GREB1L: variants seen among roughly 807,000 people sequenced by gnomAD.
The protein encoded by GREB1L is GREB1 like retinoic acid receptor coactivator, also known as GREB1-like protein.
GREB1L carries 17 observed loss-of-function variants against 200.8 expected under a neutral mutation model. The observed-to-expected ratio is 0.08, with a 90% confidence interval of 0.06 to 0.13. The LOEUF (loss-of-function observed/expected upper bound fraction) is 0.13, where lower values mean the gene tolerates loss of function less well. Among genes scored for constraint, GREB1L ranks in the 10% least tolerant of loss-of-function variants. The pLI, the probability that GREB1L is intolerant of heterozygous loss-of-function variation, is 1.00. For synonymous variants in GREB1L, 789 were observed against 893.0 expected, an observed-to-expected ratio of 0.88 and a Z score of 2.08; for missense variants, 1,657 against 2,367.7, an observed-to-expected ratio of 0.70 and a Z score of 6.23.
chr18:21,369,128 T>C (rs2039779490), intron 2 of GREB1L, among the ~76,000 whole-genome samples: 1 of 152,214 alleles, frequency 6.6e-6, no homozygotes, highest in African/African-American at 2.4e-5. Context: ...ATTTGGGAAA[T>C]TGGCGAATTG....
chr18:21,408,292 CAG>C (rs1340084776), intron 7 of GREB1L, among the ~76,000 whole-genome samples: 3 of 152,088 alleles, frequency 2.0e-5, no homozygotes, highest in Non-Finnish European at 4.4e-5. Context: ...AGGCAAACAA[CAG>C]AGTGGTAAAA....
chr18:21,511,339 G>C (rs1443281152), intron 27 of GREB1L, among the ~76,000 whole-genome samples: 1 of 151,960 alleles, frequency 6.6e-6, no homozygotes, highest in Admixed American at 6.6e-5. Context: ...ACTCCAGCCT[G>C]GGCAACAAGA....
intron 10 of GREB1L, among the ~76,000 whole-genome samples, chr18:21,443,723 GC>G (rs2145303963): frequency 6.6e-6 from 1 of 152,202 alleles, no homozygotes; most frequent in East Asian, 1.9e-4. Flanking sequence ...TTGATTCCAG[GC>G]CCCGTCCCAT....
chr18:21,459,140 A>G (rs189707410), intron 15 of GREB1L, among the ~76,000 whole-genome samples: 52 of 152,246 alleles, frequency 3.4e-4, no homozygotes, highest in African/African-American at 1.1e-3. Context: ...AAAGCCAGAG[A>G]GACGTATTTG....
intron 1 of GREB1L, among the ~76,000 whole-genome samples, chr18:21,322,249 CAA>C (rs1319308892): frequency 2.0e-5 from 3 of 151,904 alleles, no homozygotes; most frequent in African/African-American, 7.3e-5. Context: ...AGGAAAAAAA[CAA>C]AAAAGCTGGT....
At chr18:21,363,279 T>TCCCC (rs71369899) in intron 1 of GREB1L, among the ~76,000 whole-genome samples, 1 of 5,004 alleles carries the variant, frequency 2.0e-4, no homozygotes, top group African/African-American at 7.9e-4. Context: ...CCACTCCGCC[T>TCCCC]CCCCCCCGCC....
At chr18:21,436,614 A>G (rs2033550355) in intron 7 of GREB1L, among the ~76,000 whole-genome samples, 1 of 151,690 alleles carries the variant, frequency 6.6e-6, no homozygotes, top group African/African-American at 2.4e-5. Context: ...AGCTTGGGTG[A>G]CAGAATGAGA....
intron 4 of GREB1L, among the ~76,000 whole-genome samples, chr18:21,390,550 G>GTTTTT: frequency 6.6e-6 from 1 of 152,184 alleles, no homozygotes; most frequent in South Asian, 2.1e-4. Flanking sequence ...TTTTGTTTTT[G>GTTTTT]TTTTTGAGAT....
intron 17 of GREB1L, among the ~76,000 whole-genome samples, chr18:21,483,064 T>G (rs1425251542): frequency 6.6e-6 from 1 of 152,186 alleles, no homozygotes; most frequent in African/African-American, 2.4e-5. Flanking sequence ...TAATTCTAAT[T>G]TTTAGTAGCT....
At chr18:21,522,238 C>T (rs373069252) in intron 32 of GREB1L, among the ~76,000 whole-genome samples, 3 of 151,850 alleles carry the variant, frequency 2.0e-5, no homozygotes, top group East Asian at 3.9e-4. Context: ...CTTGGAAGGC[C>T]GAGGCAGGTG....
At position 21,340,834 on chromosome 18, in the gene GREB1L, G is replaced by A. The variant is rs139471125; in HGVS notation, c.-119-25193G>A. Among the ~76,000 whole-genome samples the A allele has an allele frequency of 9.5e-3, 1,450 of 152,162 alleles. 23 individuals are homozygous for A. Among genetic ancestry groups the A allele is most frequent in the African/African-American group, 0.033 (1,367 of 41,522 alleles). On this transcript the variant is annotated intron_variant, in intron 1 of 32. Transcript: ENST00000424526. ...CTGGGATTACAGGCGTTGAGCCACC[G>A]CACCCGGCCCTAACCAAGATGTTAA...
intron 7 of GREB1L, among the ~76,000 whole-genome samples, chr18:21,429,189 TTCCCC>T (rs1222410281): frequency 4.3e-4 from 15 of 35,266 alleles, no homozygotes; most frequent in African/African-American, 1.6e-3. Context: ...TTCCCCTCCC[TTCCCC>T]TCCCCTCCCC....
At chr18:21,395,664 T>C in intron 5 of GREB1L, 103 bp downstream of exon 5, 2 of 818,556 alleles carry the variant, frequency 2.4e-6, no homozygotes, top group South Asian at 1.9e-5. Context: ...CAGAGGATTA[T>C]TTGGGGATTA....
At chr18:21,459,766 G>A (rs1235648963) in intron 15 of GREB1L, among the ~76,000 whole-genome samples, 2 of 151,820 alleles carry the variant, frequency 1.3e-5, no homozygotes, top group East Asian at 3.9e-4. Flanking sequence ...AGTATTTTTT[G>A]TTCAGTGACT....
At position 21,508,558 on chromosome 18, in the gene GREB1L, G is replaced by T; in HGVS notation, c.4702G>T (p.Val1568Leu). 1.3e-6 allele frequency: 2 copies of T among 1,551,684 alleles called. No homozygotes were observed. The highest frequency in any genetic ancestry group is 1.2e-5 in the South Asian group (1 of 84,042). ...RKYWPNHIML[V>L]LPGMFNNAGV... The stretch of plus-strand genomic sequence containing the variant: ...GTACTGGCCCAACCACATCATGCTG[G>T]TGCTTCCCGGCATGTTCAATAATGC... Residue 1568 changes from valine to leucine, a missense_variant, in exon 27 of 33, where the codon GTG (valine) becomes TTG (leucine). Val to Leu is a conservative substitution (Grantham distance 32). Around this residue, in one of 9 missense-constraint regions of GREB1L, gnomAD observed 151 missense variants for 309.6 expected, o/e 0.49. Transcript: ENST00000424526.
chr18:21,435,924 G>A (rs1308519463), intron 7 of GREB1L, among the ~76,000 whole-genome samples: 3 of 152,180 alleles, frequency 2.0e-5, no homozygotes, highest in Non-Finnish European at 2.9e-5. Context: ...AGTCGTCTCG[G>A]TGACAAATGA....
chr18:21,350,226 TTTTC>T (rs1231288300), intron 1 of GREB1L, among the ~76,000 whole-genome samples: 3 of 151,562 alleles, frequency 2.0e-5, no homozygotes, highest in Non-Finnish European at 4.4e-5. Context: ...TAGATTTTTC[TTTTC>T]TTTCTTTCTT....
intron 2 of GREB1L, among the ~76,000 whole-genome samples, chr18:21,376,812 C>CA (rs534144361): frequency 0.27 from 15,606 of 58,688 alleles, 1,907 homozygotes; most frequent in African/African-American, 0.39. Context: ...GAGTCCGTCT[C>CA]AAAAAAAAAA....
At chr18:21,279,977 A>G (rs1000523235) in intron 1 of GREB1L, among the ~76,000 whole-genome samples, 6 of 152,174 alleles carry the variant, frequency 3.9e-5, no homozygotes, top group Non-Finnish European at 7.3e-5. Flanking sequence ...TTCCTCTATT[A>G]TTAGTATTTT....
Sources: gnomAD v4.1 joint callset for allele counts (sites outside exome capture counted in the v4.1 genomes callset) on GRCh38, gnomAD v4.1.1 for gene constraint, gnomAD v4.1.1 regional missense constraint, MANE v1.5 for transcripts, NCBI Gene and HGNC (gene_info 2026-07-23, HGNC 2026-07-21) for gene names.